The following MTX2 variants were observed in gnomAD, a reference collection of about 807,000 sequenced individuals.
MTX2 encodes metaxin-2.
A neutral mutation model predicts 42.3 loss-of-function variants in MTX2; 35 were observed. The observed-to-expected ratio is 0.83, with a 90% CI of 0.63 to 1.10. MTX2 has a LOEUF of 1.10. MTX2 is among the 50% of genes least tolerant of loss of function. The pLI, the probability that MTX2 is intolerant of heterozygous loss-of-function variation, is 0.00. For synonymous variants in MTX2, 119 were observed against 100.9 expected (o/e 1.18, Z -1.08); for missense variants, 307 against 304.1 (o/e 1.01, Z -0.07).
Position 176,326,919 on chromosome 2 carries a change from A to G in MTX2, c.285+18A>G, listed in dbSNP as rs776413652. On this transcript the variant is annotated intron_variant, in intron 5 of 9. Transcript: ENST00000249442. The stretch of plus-strand genomic sequence containing the variant: ...AAGCCAAGGTAATAAAAAGATATTA[A>G]ATGTATTTGATCAGTTACCAAGTCA... 4 of 1,391,298 alleles carry G rather than the reference A, an allele frequency of 2.9e-6. No individual in the cohort carries two copies. Among genetic ancestry groups the G allele is most frequent in the Non-Finnish European group, 4.0e-6 (4 of 1,001,078 alleles). The allele number at this position is 1,391,298 out of a possible 1,614,324, so 86.2% of individuals were successfully genotyped here.
intron 1 of MTX2, among the ~76,000 whole-genome samples, chr2:176,282,995 C>A (rs1262924243): frequency 6.6e-6 from 1 of 152,150 alleles, no homozygotes; most frequent in East Asian, 1.9e-4. Flanking sequence ...AGCAATCACA[C>A]CTGGCCAATC....
chr2:176,272,552 C>T (rs1032431331), intron 1 of MTX2, among the ~76,000 whole-genome samples: 1 of 152,052 alleles, frequency 6.6e-6, no homozygotes, highest in African/African-American at 2.4e-5. Context: ...TTGTCAAAAA[C>T]ATTTATACAA....
intron 1 of MTX2, among the ~76,000 whole-genome samples, chr2:176,296,283 T>C (rs746913433): frequency 5.9e-5 from 9 of 152,092 alleles, no homozygotes; most frequent in Non-Finnish European, 1.2e-4. Flanking sequence ...GTGGTGTTGG[T>C]AGGGTCAAGG....
At chr2:176,284,106 C>T (rs567894424) in intron 1 of MTX2, among the ~76,000 whole-genome samples, 86 of 147,106 alleles carry the variant, frequency 5.8e-4, no homozygotes, top group African/African-American at 2.0e-3. Context: ...GGATTTTTTT[C>T]TTTTTTTTTT....
chr2:176,310,863 TAGTTTGTTA>T (rs1684286794), intron 3 of MTX2, among the ~76,000 whole-genome samples: 1 of 152,156 alleles, frequency 6.6e-6, no homozygotes, highest in Admixed American at 6.5e-5. Context: ...TATCTTGCAG[TAGTTTGTTA>T]TTACCGACCT....
chr2:176,272,711 CAT>C (rs1692852481), intron 1 of MTX2, among the ~76,000 whole-genome samples: 1 of 151,888 alleles, frequency 6.6e-6, no homozygotes, highest in African/African-American at 2.4e-5. Context: ...TATAAACATA[CAT>C]ATGTTTATAT....
intron 1 of MTX2, chr2:176,270,311 C>T: frequency 7.6e-7 from 1 of 1,316,028 alleles, no homozygotes. Context: ...GTTGGGATTA[C>T]AGGCGCCCGC....
chr2:176,296,578 G>A (rs1461978444), intron 1 of MTX2, among the ~76,000 whole-genome samples: 1 of 151,750 alleles, frequency 6.6e-6, no homozygotes, highest in Non-Finnish European at 1.5e-5. Context: ...GAGCTATTTT[G>A]TTTTTTTTAT....
Position 176,331,760 on chromosome 2 carries a change from A to T in MTX2, c.620+1100A>T, listed in dbSNP as rs145216033. Among the ~76,000 whole-genome samples the T allele has an allele frequency of 3.7e-3, 557 of 151,320 alleles. 6 individuals are homozygous for T. The highest frequency in any genetic ancestry group is 0.036 in the East Asian group (184 of 5,160). On this transcript the variant is annotated intron_variant, in intron 9 of 9. Coordinates refer to ENST00000249442, the MANE Select transcript of MTX2 (RefSeq NM_006554.5). ...CAGATTCTATTTTTCAGTCCCTAAC[A>T]CAAGAGAAATGTATCCAAATGTCAA...
rs749763641 is a variant in MTX2, at chr2:176,297,871, C to T, written c.111C>T (p.Asp37=). The T allele has an allele frequency of 6.4e-7, 1 of 1,560,426 alleles. No homozygotes were observed. The highest frequency in any genetic ancestry group is 8.7e-7 in the Non-Finnish European group (1 of 1,150,036). The change falls in exon 3 of 10, where the codon GAC becomes GAT. Residue 37 remains aspartate, a synonymous_variant. Coordinates refer to ENST00000249442, the MANE Select transcript of MTX2 (RefSeq NM_006554.5). The part of the protein sequence containing the change: ...QLKGEQILLS[D]NAASLAVQAF... Reference sequence around the variant, plus strand: ...CAGGGGAGCAAATTTTACTTTCTGACAATGCAGCTTCTCTTGCAGTGCAGG... The same window carrying T: ...CAGGGGAGCAAATTTTACTTTCTGATAATGCAGCTTCTCTTGCAGTGCAGG...
At chr2:176,336,481 C>T (rs1184378038) in intron 9 of MTX2, among the ~76,000 whole-genome samples, 3 of 151,988 alleles carry the variant, frequency 2.0e-5, no homozygotes, top group Non-Finnish European at 4.4e-5. Context: ...GCTTTGACAG[C>T]ATTTTGTTTA....
intron 9 of MTX2, among the ~76,000 whole-genome samples, chr2:176,337,250 C>A (rs1203558864): frequency 2.0e-5 from 3 of 152,142 alleles, no homozygotes; most frequent in African/African-American, 7.2e-5. Flanking sequence ...CCACATTGTT[C>A]AGGCTGGTTG....
chr2:176,296,796 A>G, intron 1 of MTX2, 64 bp from the exon 2 acceptor site: 1 of 1,518,148 alleles, frequency 6.6e-7, no homozygotes, highest in South Asian at 1.1e-5. Context: ...ATGCTTATTA[A>G]TTTGGTTTGT....
In MTX2 at chr2:176,269,522, A is replaced by G. The variant is rs1021683446; in HGVS notation, c.-108A>G. On this transcript the variant is annotated 5_prime_UTR_variant, in exon 1 of 10. Transcript: ENST00000249442. Reference sequence around the variant, plus strand: ...GTTGGAGTGGGCTTTGCGAGTCTGAACGTTGGCGGGGCTAGGCTCGTTAAC... The same window carrying G: ...GTTGGAGTGGGCTTTGCGAGTCTGAGCGTTGGCGGGGCTAGGCTCGTTAAC... 18 of 1,268,204 alleles carry G rather than the reference A, an allele frequency of 1.4e-5. No individual in the cohort carries two copies. The highest frequency in any genetic ancestry group is 2.2e-4 in the Middle Eastern group (1 of 4,492). The allele number at this position is 1,268,204 out of a possible 1,614,324, so 78.6% of individuals were successfully genotyped here.
intron 3 of MTX2, among the ~76,000 whole-genome samples, chr2:176,310,712 G>C (rs990067613): frequency 1.3e-5 from 2 of 152,002 alleles, no homozygotes; most frequent in African/African-American, 4.8e-5. Context: ...TTGTGCATGC[G>C]TCACGAAGTT....
chr2:176,300,496 C>T (rs1315390545), intron 3 of MTX2, among the ~76,000 whole-genome samples: 1 of 151,836 alleles, frequency 6.6e-6, no homozygotes, highest in East Asian at 1.9e-4. Context: ...CTTACAGTAC[C>T]TCTCAATTTA....
intron 3 of MTX2, among the ~76,000 whole-genome samples, chr2:176,312,863 C>CAAAAAAAAAAAAAA (rs557475003): frequency 2.1e-4 from 12 of 55,938 alleles, no homozygotes; most frequent in Non-Finnish European, 2.8e-4. Context: ...AATGCCATCT[C>CAAAAAAAAAAAAAA]AAAAAAAAAA....
chr2:176,328,410 G>GA, intron 6 of MTX2, 25 bp downstream of exon 6: 1 of 1,384,122 alleles, frequency 7.2e-7, no homozygotes, highest in Non-Finnish European at 9.8e-7. Flanking sequence ...GATACGGCTT[G>GA]AAAATAAGCT....
chr2:176,331,817 G>C (rs2103108), intron 9 of MTX2, among the ~76,000 whole-genome samples: 80,391 of 150,918 alleles, frequency 0.53, 21,584 homozygotes, highest in Admixed American at 0.63. Context: ...TCTAACAGAG[G>C]AATTCTTAGG....
Sources: allele counts gnomAD v4.1 joint callset (sites outside exome capture counted in the v4.1 genomes callset), GRCh38; gene constraint gnomAD v4.1.1; transcripts MANE v1.5; gene names NCBI Gene and HGNC (gene_info 2026-07-23, HGNC 2026-07-21).